GLIS1: variants seen among roughly 807,000 people sequenced by gnomAD.
GLIS1 encodes zinc finger protein GLIS1.
In GLIS1, 24 loss-of-function variants were observed where a neutral mutation model predicts 63.8. The ratio of observed to expected loss-of-function variants is 0.38; its 90% CI spans 0.27 to 0.53. The LOEUF (loss-of-function observed/expected upper bound fraction) is 0.53, where lower values mean the gene tolerates loss of function less well. Ranked by LOEUF, GLIS1 falls within the 20% of genes least tolerant of loss-of-function variation. The pLI, the probability that GLIS1 is intolerant of heterozygous loss-of-function variation, is 0.85. For missense variants in GLIS1, 1,036 were observed against 1,074.1 expected (o/e 0.96, Z 0.50); for synonymous variants, 450 against 482.5 (o/e 0.93, Z 0.88).
chr1:53,650,517 G>A (rs937529887), intron 2 of GLIS1, among the ~76,000 whole-genome samples: 7 of 151,216 alleles, frequency 4.6e-5, no homozygotes, highest in East Asian at 1.9e-4. Flanking sequence ...TTGAACCTGG[G>A]AGGATGAGGT....
rs1161274392 is a variant in GLIS1 at position 53,560,822 on chromosome 1, C to T, written c.1321-30870G>A. ...GGACTCCACCCATACCTCAGTACCCCAGGCCTTGCCACCTGAAGGGGCAAT... is the reference window on the plus strand; with the variant it reads ...GGACTCCACCCATACCTCAGTACCCTAGGCCTTGCCACCTGAAGGGGCAAT... On this transcript the variant is annotated intron_variant, in intron 4 of 10. Transcript: ENST00000628545. This position sits in a 1 kb window ranked among gnomAD's most constrained non-coding sequence, Gnocchi z 4.4. Among the ~76,000 whole-genome samples the T allele has an allele frequency of 6.6e-6, 1 of 152,184 alleles. No homozygotes were observed. Among genetic ancestry groups the T allele is most frequent in the Non-Finnish European group, 1.5e-5 (1 of 68,024 alleles).
intron 4 of GLIS1, among the ~76,000 whole-genome samples, chr1:53,570,303 T>C (rs1017720127): frequency 2.0e-5 from 3 of 151,668 alleles, no homozygotes; most frequent in Non-Finnish European, 4.4e-5. Context: ...AAAAATTGTT[T>C]AGAGATGGGG....
In GLIS1 at chr1:53,524,827, G is replaced by A. The variant is rs1426949401; in HGVS notation, c.1543C>T (p.Arg515Cys). 6.2e-6 allele frequency: 10 copies of A among 1,613,504 alleles called. No homozygotes were observed. The highest frequency in any genetic ancestry group is 1.1e-5 in the South Asian group (1 of 91,084). ...GCTGAATGGGCCTTGACGTGCTTGC[G>A]GAGGGAGCTGGGGTCTGTGTAGCGC... Reference protein sequence around the residue: ...SKRYTDPSSLRKHVKAHSAKE... With the variant: ...SKRYTDPSSLCKHVKAHSAKE... Residue 515 changes from arginine (R) to cysteine (C), a missense_variant, in exon 6 of 11, where the codon CGC becomes TGC. Arg to Cys is a radical substitution (Grantham distance 180, BLOSUM62 -3). Coordinates refer to ENST00000628545, the MANE Select transcript of GLIS1 (RefSeq NM_001367484.1).
chr1:53,571,081 C>T (rs1644979498), intron 4 of GLIS1, among the ~76,000 whole-genome samples: 1 of 151,868 alleles, frequency 6.6e-6, no homozygotes. Context: ...AGACAAACAA[C>T]CAATAGAAAA....
intron 2 of GLIS1, among the ~76,000 whole-genome samples, chr1:53,660,699 C>T (rs13375320): frequency 1.1e-3 from 168 of 152,260 alleles, no homozygotes; most frequent in African/African-American, 3.9e-3. Flanking sequence ...CAGACATGGA[C>T]CCTTGAGCCA....
At chr1:53,570,616 G>C (rs563200028) in intron 4 of GLIS1, among the ~76,000 whole-genome samples, 101 of 152,126 alleles carry the variant, frequency 6.6e-4, no homozygotes, top group Non-Finnish European at 1.3e-3. Flanking sequence ...GAAAAACTCA[G>C]TAATAGAACA....
Position 53,713,107 on chromosome 1 carries a change from G to A in GLIS1, c.259+24699C>T, listed in dbSNP as rs139088597. Among the ~76,000 whole-genome samples the A allele has an allele frequency of 9.8e-5, 15 of 152,392 alleles. 1 individual carries two copies. The South Asian group carries it at 1.7e-3, about 17-fold the overall frequency. On this transcript the variant is annotated intron_variant, in intron 2 of 10. Coordinates refer to ENST00000628545, the MANE Select transcript of GLIS1 (RefSeq NM_001367484.1). ...GTGACAAAGTATAAACGGAGACAGA[G>A]ACATGCCACGACTTCAAGACCAGCC...
intron 4 of GLIS1, among the ~76,000 whole-genome samples, chr1:53,557,012 T>C (rs1569823562): frequency 6.6e-6 from 1 of 151,814 alleles, no homozygotes; most frequent in East Asian, 1.9e-4. Flanking sequence ...TACAGGTGAG[T>C]GTGTGTGTGC....
chr1:53,696,426 A>G (rs1045212442), intron 2 of GLIS1, among the ~76,000 whole-genome samples: 1 of 152,208 alleles, frequency 6.6e-6, no homozygotes, highest in Non-Finnish European at 1.5e-5. Context: ...GTTTCACGTA[A>G]CAAGTTACCT....
intron 4 of GLIS1, among the ~76,000 whole-genome samples, chr1:53,531,389 C>T (rs1347127488): frequency 6.6e-6 from 1 of 152,228 alleles, no homozygotes; most frequent in Non-Finnish European, 1.5e-5. Context: ...CTGCTCTTCA[C>T]ATCCTTTCTC....
intron 2 of GLIS1, among the ~76,000 whole-genome samples, chr1:53,701,676 C>A (rs1290775659): frequency 6.6e-6 from 1 of 152,284 alleles, no homozygotes; most frequent in East Asian, 1.9e-4. Context: ...AGAGACACTG[C>A]TGCAAATGCA....
intron 10 of GLIS1, among the ~76,000 whole-genome samples, chr1:53,508,379 C>T (rs997396961): frequency 6.6e-6 from 1 of 152,202 alleles, no homozygotes; most frequent in Non-Finnish European, 1.5e-5. Flanking sequence ...CTCACTACCT[C>T]AAAGCTGCCC....
At chr1:53,603,537 A>G (rs888466804) in intron 2 of GLIS1, among the ~76,000 whole-genome samples, 1 of 152,204 alleles carries the variant, frequency 6.6e-6, no homozygotes, top group Non-Finnish European at 1.5e-5. Context: ...GTCTGCCAGG[A>G]AAGATGTAGG....
At chr1:53,727,488 C>T (rs1346477773) in intron 2 of GLIS1, among the ~76,000 whole-genome samples, 1 of 152,208 alleles carries the variant, frequency 6.6e-6, no homozygotes, top group Admixed American at 6.5e-5. Context: ...AGCAACCACT[C>T]GTAGCTGCTC....
chr1:53,520,525 C>A (rs1208258059), intron 7 of GLIS1, 109 bp downstream of exon 7: 2 of 1,275,012 alleles, frequency 1.6e-6, no homozygotes, highest in Non-Finnish European at 2.1e-6. Flanking sequence ...GTGCCTGCAA[C>A]ATGTCATGCC....
intron 2 of GLIS1, among the ~76,000 whole-genome samples, chr1:53,651,254 A>G (rs1232065315): frequency 6.6e-6 from 1 of 152,218 alleles, no homozygotes; most frequent in East Asian, 1.9e-4. Flanking sequence ...GTCGTTTTCT[A>G]CTATTAAGTA....
At chr1:53,658,722 C>A (rs1353307313) in intron 2 of GLIS1, among the ~76,000 whole-genome samples, 3 of 152,184 alleles carry the variant, frequency 2.0e-5, no homozygotes, top group Non-Finnish European at 4.4e-5. Context: ...ACATGCCTGG[C>A]TCCCTGTCAG....
chr1:53,556,270 GTGTGTGTGTGTGCA>G (rs1644824326), intron 4 of GLIS1, among the ~76,000 whole-genome samples: 1 of 92,146 alleles, frequency 1.1e-5, no homozygotes, highest in African/African-American at 5.8e-5. Context: ...TGTACTGCAG[GTGTGTGTGTGTGCA>G]GGTGTACTGT....
intron 6 of GLIS1, among the ~76,000 whole-genome samples, chr1:53,524,098 G>A (rs769872216): frequency 2.0e-5 from 3 of 152,188 alleles, no homozygotes; most frequent in Non-Finnish European, 4.4e-5. Context: ...AGCATAAACC[G>A]TCATTTACTC....
Sources: gnomAD v4.1 joint callset for allele counts (sites outside exome capture counted in the v4.1 genomes callset) on GRCh38, gnomAD v4.1.1 for gene constraint, Gnocchi (gnomAD v3.1) non-coding constraint, MANE v1.5 for transcripts, NCBI Gene and HGNC (gene_info 2026-07-23, HGNC 2026-07-21) for gene names.